Variants in TAFA4 observed in about 807,000 individuals in gnomAD.
TAFA4 encodes TAFA chemokine like family member 4, also known as chemokine-like protein TAFA-4.
Under a neutral mutation model 21.1 loss-of-function variants are expected in TAFA4, and 20 were observed. The observed-to-expected ratio is 0.95, with a 90% CI of 0.67 to 1.38. The LOEUF is 1.38. TAFA4 is among the 40% of genes most tolerant of loss of function. The probability of loss-of-function intolerance (pLI) is 0.00; values close to 1 mark genes in which losing one functional copy is unlikely to be tolerated. For synonymous variants in TAFA4, 71 were observed against 67.4 expected (o/e 1.05, Z -0.26); for missense variants, 211 against 180.9 (o/e 1.17, Z -0.95).
chr3:68,756,462 G>C (rs1168910849), intron 3 of TAFA4, among the ~76,000 whole-genome samples: 1 of 152,180 alleles, frequency 6.6e-6, no homozygotes, highest in Admixed American at 6.5e-5. Context: ...GTTTCTGTTG[G>C]TGTATGTGTT....
chr3:68,760,450 C>T (rs1702739432), intron 3 of TAFA4, among the ~76,000 whole-genome samples: 1 of 152,134 alleles, frequency 6.6e-6, no homozygotes, highest in Non-Finnish European at 1.5e-5. Context: ...ATTAGGGAGA[C>T]TTTCTTTATG....
At chr3:68,857,895 C>A (rs1705107169) in intron 3 of TAFA4, among the ~76,000 whole-genome samples, 1 of 152,082 alleles carries the variant, frequency 6.6e-6, no homozygotes, top group Admixed American at 6.5e-5. Context: ...ACATATTAAG[C>A]TCTGATTCTA....
At chr3:68,912,553 A>AC (rs1056070494) in intron 1 of TAFA4, among the ~76,000 whole-genome samples, 4 of 152,218 alleles carry the variant, frequency 2.6e-5, no homozygotes, top group Non-Finnish European at 5.9e-5. Flanking sequence ...AGTGTTGGGG[A>AC]CCAGATGAGC....
At chr3:68,770,434 G>A (rs1369150080) in intron 3 of TAFA4, among the ~76,000 whole-genome samples, 2 of 152,134 alleles carry the variant, frequency 1.3e-5, no homozygotes, top group Non-Finnish European at 1.5e-5. Flanking sequence ...ATGAGACTGA[G>A]GAGAAAATTT....
At chr3:68,761,905 G>A (rs958298813) in intron 3 of TAFA4, among the ~76,000 whole-genome samples, 8 of 152,122 alleles carry the variant, frequency 5.3e-5, no homozygotes, top group Non-Finnish European at 8.8e-5. Flanking sequence ...TAACTCCAAA[G>A]TTTCGGGTTT....
chr3:68,787,774 C>T (rs1022994550), intron 3 of TAFA4, among the ~76,000 whole-genome samples: 1 of 152,194 alleles, frequency 6.6e-6, no homozygotes, highest in Non-Finnish European at 1.5e-5. Context: ...GCAATCTATG[C>T]ACAAACCATT....
chr3:68,914,174 A>G (rs1021852549), intron 1 of TAFA4, among the ~76,000 whole-genome samples: 3 of 152,234 alleles, frequency 2.0e-5, no homozygotes, highest in African/African-American at 7.2e-5. Flanking sequence ...TTACAACGAA[A>G]TACTATGCAA....
At chr3:68,869,316 T>C (rs545298710) in intron 3 of TAFA4, among the ~76,000 whole-genome samples, 2 of 151,814 alleles carry the variant, frequency 1.3e-5, no homozygotes, top group Admixed American at 6.6e-5. Context: ...ATACTCAAAC[T>C]ATTCAAAAAA....
In TAFA4 at chr3:68,753,021, AG is replaced by A; in HGVS notation, c.131-4del. 1 of 1,612,124 alleles carries A rather than the reference AG, an allele frequency of 6.2e-7. No individual in the cohort carries two copies. On this transcript the variant is annotated splice_polypyrimidine_tract_variant and splice_region_variant and intron_variant, in intron 3 of 5. Coordinates refer to ENST00000295569, the MANE Select transcript of TAFA4 (RefSeq NM_182522.5). The stretch of plus-strand genomic sequence containing the variant: ...CCCTTGCTTGATTTGGTGGTGACCT[AG>A]TTGGTAATGGGGGAGAAAAACAAAC...
At chr3:68,774,313 T>C (rs755131583) in intron 3 of TAFA4, among the ~76,000 whole-genome samples, 5 of 152,218 alleles carry the variant, frequency 3.3e-5, no homozygotes, top group Non-Finnish European at 5.9e-5. Context: ...AATTACCCCA[T>C]ACTTCTGTAA....
At chr3:68,770,195 A>C (rs1251775460) in intron 3 of TAFA4, among the ~76,000 whole-genome samples, 1 of 152,216 alleles carries the variant, frequency 6.6e-6, no homozygotes, top group Non-Finnish European at 1.5e-5. Flanking sequence ...TTTTAATACA[A>C]TTCTTGGGAA....
intron 3 of TAFA4, among the ~76,000 whole-genome samples, chr3:68,870,935 T>A (rs1007753617): frequency 6.6e-6 from 1 of 152,184 alleles, no homozygotes; most frequent in East Asian, 1.9e-4. Flanking sequence ...TATGGCTGCA[T>A]AGTATTCCAT....
At chr3:68,888,462 C>T (rs1446162334) in intron 1 of TAFA4, among the ~76,000 whole-genome samples, 1 of 152,204 alleles carries the variant, frequency 6.6e-6, no homozygotes, top group Non-Finnish European at 1.5e-5. Flanking sequence ...TACTTCAAAA[C>T]TGTTCCAGCC....
intron 3 of TAFA4, among the ~76,000 whole-genome samples, chr3:68,799,401 T>C (rs1419794319): frequency 6.6e-6 from 1 of 152,102 alleles, no homozygotes; most frequent in Non-Finnish European, 1.5e-5. Context: ...ATGAGGCCCC[T>C]GCCCTCATGA....
chr3:68,845,201 G>A (rs1387938804), intron 3 of TAFA4, among the ~76,000 whole-genome samples: 1 of 152,022 alleles, frequency 6.6e-6, no homozygotes, highest in Non-Finnish European at 1.5e-5. Flanking sequence ...TTCCTGCAGT[G>A]GGTTCATATA....
At chr3:68,782,439 A>T (rs950100251) in intron 3 of TAFA4, among the ~76,000 whole-genome samples, 5 of 152,186 alleles carry the variant, frequency 3.3e-5, no homozygotes, top group African/African-American at 1.2e-4. Flanking sequence ...CTTATACACA[A>T]ATGTTTATGG....
intron 3 of TAFA4, among the ~76,000 whole-genome samples, chr3:68,858,230 G>A (rs1008575301): frequency 8.0e-4 from 121 of 152,112 alleles, no homozygotes; most frequent in Non-Finnish European, 2.1e-4. Flanking sequence ...ATGAGCAAAT[G>A]CATCGTGGAA....
chr3:68,932,144 G>A (rs1263801861), intron 1 of TAFA4, 96 bp downstream of exon 1: 2 of 152,108 alleles, frequency 1.3e-5, no homozygotes, highest in Non-Finnish European at 2.9e-5. Context: ...CAGCCGAGAG[G>A]CAGCGGCTGC....
intron 3 of TAFA4, among the ~76,000 whole-genome samples, chr3:68,838,816 G>A (rs1704585291): frequency 2.0e-5 from 3 of 152,196 alleles, no homozygotes. Flanking sequence ...GTCCCTGCCT[G>A]CCAGGCGCAG....
Sources: allele counts gnomAD v4.1 joint callset (sites outside exome capture counted in the v4.1 genomes callset), GRCh38; gene constraint gnomAD v4.1.1; transcripts MANE v1.5; gene names NCBI Gene and HGNC (gene_info 2026-07-23, HGNC 2026-07-21).